CSMD1: variants seen among roughly 807,000 people sequenced by gnomAD.
The protein encoded by CSMD1 is CUB and sushi domain-containing protein 1.
Under a neutral mutation model 417.5 loss-of-function variants are expected in CSMD1, and 213 were observed. That is an observed-to-expected ratio of 0.51 (90% CI 0.46 to 0.57). The LOEUF (loss-of-function observed/expected upper bound fraction) is 0.57, where lower values mean the gene tolerates loss of function less well. Among genes scored for constraint, CSMD1 ranks in the 20% least tolerant of loss-of-function variants. CSMD1 has a pLI of 0.00. For synonymous variants in CSMD1, 2,862 were observed against 1,736.8 expected (o/e 1.65, Z -16.11); for missense variants, 6,923 against 4,529.7 (o/e 1.53, Z -15.17).
At chr8:3,873,921 G>T (rs1805645926) in intron 5 of CSMD1, among the ~76,000 whole-genome samples, 1 of 152,160 alleles carries the variant, frequency 6.6e-6, no homozygotes, top group Admixed American at 6.5e-5. Flanking sequence ...GAGACAACTA[G>T]ATCTGACTTT....
chr8:3,104,989 C>T lies in CSMD1; in HGVS notation c.6949+1539G>A, dbSNP rs532236225. ...ACAGAATGCTGGGATTACAGGCGTG[C>T]GCCACCGCGCCCGGCCAGTTATCAG... On this transcript the variant is annotated intron_variant, in intron 46 of 69. Coordinates refer to ENST00000635120, the MANE Select transcript of CSMD1 (RefSeq NM_033225.6). Among the ~76,000 whole-genome samples the T allele has an allele frequency of 1.2e-4, 18 of 152,278 alleles. No individual in the cohort carries two copies. In the South Asian group the frequency reaches 2.3e-3, roughly 19 times the overall value.
At chr8:2,998,955 T>C (rs1448362421) in intron 53 of CSMD1, among the ~76,000 whole-genome samples, 1 of 152,212 alleles carries the variant, frequency 6.6e-6, no homozygotes, top group Non-Finnish European at 1.5e-5. Context: ...TTTGTCACTG[T>C]TTTATCCACA....
chr8:4,812,063 C>T (rs1585140014), intron 1 of CSMD1, among the ~76,000 whole-genome samples: 2 of 152,192 alleles, frequency 1.3e-5, no homozygotes, highest in Admixed American at 1.3e-4. Context: ...ATTTATAAAA[C>T]TTTGGCTTTG....
intron 5 of CSMD1, among the ~76,000 whole-genome samples, chr8:3,814,599 G>T (rs571243725): frequency 2.6e-5 from 4 of 152,190 alleles, no homozygotes; most frequent in Admixed American, 6.5e-5. Flanking sequence ...CATGGGTGCT[G>T]CTGGACATCC....
chr8:4,181,326 C>G (rs1262437547), intron 3 of CSMD1, among the ~76,000 whole-genome samples: 1 of 151,844 alleles, frequency 6.6e-6, no homozygotes, highest in Non-Finnish European at 1.5e-5. Flanking sequence ...TATATCCATG[C>G]TAAAAGAAAT....
At chr8:3,445,810 C>A (rs1414962639) in intron 12 of CSMD1, among the ~76,000 whole-genome samples, 1 of 151,934 alleles carries the variant, frequency 6.6e-6, no homozygotes, top group South Asian at 2.1e-4. Flanking sequence ...AACATAACAC[C>A]CAAAGGCAAC....
chr8:3,292,868 T>G (rs1434820896), intron 25 of CSMD1, among the ~76,000 whole-genome samples: 1 of 152,098 alleles, frequency 6.6e-6, no homozygotes, highest in Admixed American at 6.6e-5. Context: ...ATCCTGTCAT[T>G]ATGATGTTAG....
chr8:3,596,838 C>T (rs1365444527), intron 8 of CSMD1, among the ~76,000 whole-genome samples: 3 of 152,102 alleles, frequency 2.0e-5, no homozygotes, highest in Non-Finnish European at 4.4e-5. Flanking sequence ...GATCCAAAAG[C>T]ATGTTTACAA....
At chr8:3,007,283 G>T (rs1808009733) in intron 52 of CSMD1, among the ~76,000 whole-genome samples, 1 of 151,752 alleles carries the variant, frequency 6.6e-6, no homozygotes, top group African/African-American at 2.4e-5. Flanking sequence ...AACAGGTGCT[G>T]GAGAGGATGT....
intron 29 of CSMD1, among the ~76,000 whole-genome samples, chr8:3,217,114 G>T (rs1797926935): frequency 6.6e-6 from 1 of 152,098 alleles, no homozygotes. Flanking sequence ...TAGGCTGGAT[G>T]CAATGGCATC....
At chr8:3,704,719 C>G (rs376011452) in intron 7 of CSMD1, 17 of 152,158 alleles carry the variant, frequency 1.1e-4, no homozygotes, top group African/African-American at 4.1e-4. Context: ...TGGATAACAC[C>G]TTAGACAACC....
At chr8:3,971,075 G>C (rs568031981) in intron 5 of CSMD1, among the ~76,000 whole-genome samples, 12 of 152,250 alleles carry the variant, frequency 7.9e-5, no homozygotes, top group African/African-American at 2.6e-4. Flanking sequence ...ATACAAATGG[G>C]GGAGCCGATG....
intron 1 of CSMD1, among the ~76,000 whole-genome samples, chr8:4,723,675 C>T (rs1260518715): frequency 3.3e-5 from 5 of 150,296 alleles, no homozygotes; most frequent in Non-Finnish European, 7.4e-5. Flanking sequence ...GTTTTTACCA[C>T]ATTTTTGTTG....
intron 12 of CSMD1, among the ~76,000 whole-genome samples, chr8:3,425,940 T>G (rs1813810864): frequency 6.6e-6 from 1 of 152,144 alleles, no homozygotes; most frequent in Non-Finnish European, 1.5e-5. Flanking sequence ...TATTTCCCAC[T>G]AGAATAAAAG....
chr8:3,716,172 G>A (rs895980976), intron 6 of CSMD1, among the ~76,000 whole-genome samples: 1 of 152,190 alleles, frequency 6.6e-6, no homozygotes, highest in East Asian at 1.9e-4. Context: ...CTTGTTCACA[G>A]GGATGGGTGT....
At position 4,821,457 on chromosome 8, in the gene CSMD1, T is replaced by A. The variant is rs572463521; in HGVS notation, c.85+172875A>T. 2.0e-5 allele frequency among the ~76,000 whole-genome samples: 3 copies of A among 152,306 alleles called. No homozygotes were observed. The South Asian group carries it at 6.2e-4, about 32-fold the overall frequency. ...AAGGTAAAAATCTCATACTACGCAG[T>A]AAGACAGTACAGGGAACGCACTTTT... On this transcript the variant is annotated intron_variant, in intron 1 of 69. Coordinates refer to ENST00000635120, the MANE Select transcript of CSMD1 (RefSeq NM_033225.6).
At chr8:4,627,853 T>G (rs867445126) in intron 2 of CSMD1, among the ~76,000 whole-genome samples, 22 of 152,132 alleles carry the variant, frequency 1.4e-4, no homozygotes, top group South Asian at 1.0e-3. Flanking sequence ...AAATCAAAGG[T>G]TTTCACCCTT....
In CSMD1 at chr8:3,831,154, A is replaced by C. The variant is rs190182952; in HGVS notation, c.819-77112T>G. ...CACAAATGCTTTCACAATTCAAAAG[A>C]AACCCAATTTATCTAGAGACTCTAC... On this transcript the variant is annotated intron_variant, in intron 5 of 69. Transcript: ENST00000635120. Among the ~76,000 whole-genome samples the C allele has an allele frequency of 3.6e-3, 546 of 152,350 alleles. 5 individuals are homozygous for C. The highest frequency in any genetic ancestry group is 0.013 in the African/African-American group (528 of 41,594).
chr8:4,902,399 T>G (rs911548191), intron 1 of CSMD1, among the ~76,000 whole-genome samples: 6 of 151,268 alleles, frequency 4.0e-5, no homozygotes, highest in African/African-American at 1.5e-4. Flanking sequence ...ATTGTGCCAC[T>G]TAGCAACAGA....
Sources: allele counts gnomAD v4.1 joint callset (sites outside exome capture counted in the v4.1 genomes callset), GRCh38; gene constraint gnomAD v4.1.1; transcripts MANE v1.5; gene names NCBI Gene and HGNC (gene_info 2026-07-23, HGNC 2026-07-21).